The following GPC6 variants were observed in gnomAD, a reference collection of about 807,000 sequenced individuals.
GPC6 encodes the protein glypican-6.
A neutral mutation model predicts 55.2 loss-of-function variants in GPC6; 14 were observed. That is an observed-to-expected ratio of 0.25 (90% confidence interval 0.17 to 0.40). The LOEUF is 0.40. GPC6 is among the 10% of genes least tolerant of loss of function. The probability of loss-of-function intolerance (pLI) is 1.00; values close to 1 mark genes in which losing one functional copy is unlikely to be tolerated. For missense variants in GPC6, 641 were observed against 708.5 expected (o/e 0.90, Z 1.08); for synonymous variants, 278 against 259.6 (o/e 1.07, Z -0.68).
intron 3 of GPC6, among the ~76,000 whole-genome samples, chr13:94,024,102 GAC>G (rs140178004): frequency 0.01 from 1,460 of 143,998 alleles, 6 homozygotes; most frequent in African/African-American, 0.013. Flanking sequence ...ACTGTGTATA[GAC>G]ACACACACAC....
At chr13:94,365,008 A>C (rs781780496) in intron 6 of GPC6, among the ~76,000 whole-genome samples, 3 of 152,208 alleles carry the variant, frequency 2.0e-5, no homozygotes, top group Admixed American at 6.5e-5. Flanking sequence ...GCTATTATTG[A>C]ATACAACCAA....
At chr13:93,656,203 A>G (rs1357650023) in intron 2 of GPC6, among the ~76,000 whole-genome samples, 2 of 152,186 alleles carry the variant, frequency 1.3e-5, no homozygotes, top group South Asian at 2.1e-4. Context: ...TTGTGAAGAT[A>G]TACAAAAAGA....
intron 1 of GPC6, among the ~76,000 whole-genome samples, chr13:93,398,938 A>C (rs1030444680): frequency 6.6e-6 from 1 of 152,138 alleles, no homozygotes; most frequent in Non-Finnish European, 1.5e-5. Context: ...CATGATGCCA[A>C]TCTTCTTTTA....
At chr13:93,771,717 TATAATA>T (rs2138893189) in intron 2 of GPC6, among the ~76,000 whole-genome samples, 1 of 125,758 alleles carries the variant, frequency 8.0e-6, no homozygotes, top group East Asian at 2.4e-4. Context: ...AAACTTAAAG[TATAATA>T]ATAATAAAAA....
chr13:93,253,278 T>C (rs930066622), intron 1 of GPC6, among the ~76,000 whole-genome samples: 1 of 152,358 alleles, frequency 6.6e-6, no homozygotes, highest in Admixed American at 6.5e-5. Flanking sequence ...TTGTACTGCC[T>C]TTTGAATGAT....
At chr13:94,288,940 T>TTTGTTATATATATAAC (rs1566638413) in intron 5 of GPC6, among the ~76,000 whole-genome samples, 1 of 117,974 alleles carries the variant, frequency 8.5e-6, no homozygotes, top group Non-Finnish European at 1.7e-5. Context: ...TATAGATAGA[T>TTTGTTATATATATAAC]AGATAGATAG....
chr13:93,903,530 A>G (rs1055813866), intron 3 of GPC6, among the ~76,000 whole-genome samples: 2 of 152,106 alleles, frequency 1.3e-5, no homozygotes, highest in African/African-American at 4.8e-5. Flanking sequence ...TTTTTTCCAT[A>G]TCTTTGCTCA....
intron 4 of GPC6, among the ~76,000 whole-genome samples, chr13:94,197,432 AC>A (rs1182862344): frequency 6.6e-6 from 1 of 152,202 alleles, no homozygotes; most frequent in Non-Finnish European, 1.5e-5. Flanking sequence ...AATTCTAGAG[AC>A]CAGAAGTCCA....
chr13:94,112,079 A>G (rs1265186613), intron 4 of GPC6, among the ~76,000 whole-genome samples: 1 of 152,168 alleles, frequency 6.6e-6, no homozygotes, highest in African/African-American at 2.4e-5. Flanking sequence ...CATCTTTAAA[A>G]TTGTCATTAA....
intron 6 of GPC6, among the ~76,000 whole-genome samples, chr13:94,364,140 C>T (rs926716096): frequency 3.3e-5 from 5 of 152,130 alleles, no homozygotes; most frequent in South Asian, 4.2e-4. Context: ...ATTGCTTCTT[C>T]GAACAGGATG....
the GPC6 span, among the ~76,000 whole-genome samples, chr13:93,219,090 A>AT: frequency 2.4e-4 from 32 of 134,596 alleles, no homozygotes; most frequent in African/African-American, 9.4e-4. Context: ...TTTCTTTCCT[A>AT]TTTTTTTTTT....
intron 2 of GPC6, among the ~76,000 whole-genome samples, chr13:93,758,182 A>T (rs1884840237): frequency 1.3e-5 from 2 of 152,196 alleles, no homozygotes; most frequent in Non-Finnish European, 2.9e-5. Context: ...GCAGAGCTTC[A>T]CATCAGCTAA....
intron 4 of GPC6, among the ~76,000 whole-genome samples, chr13:94,153,123 AAAT>A (rs1351081590): frequency 2.0e-5 from 3 of 152,098 alleles, no homozygotes; most frequent in Non-Finnish European, 2.9e-5. Flanking sequence ...TCTTGGTGGA[AAAT>A]ATTAGGGAGG....
At chr13:93,543,415 A>G (rs1017628386) in intron 1 of GPC6, among the ~76,000 whole-genome samples, 5 of 151,952 alleles carry the variant, frequency 3.3e-5, no homozygotes, top group African/African-American at 1.2e-4. Context: ...GTGCTGCTGG[A>G]TTCGGTTTGC....
intron 1 of GPC6, among the ~76,000 whole-genome samples, chr13:93,521,071 A>G (rs916720636): frequency 8.5e-5 from 13 of 152,112 alleles, no homozygotes; most frequent in African/African-American, 2.6e-4. Flanking sequence ...TTTGTATTTA[A>G]GAAGTAATTT....
chr13:93,227,226 G>GCA lies in GPC6; in HGVS notation c.-230_-229dup, dbSNP rs940422593. 4.1e-6 allele frequency: 2 copies of GCA among 482,110 alleles called. No individual in the cohort carries two copies. The highest frequency in any genetic ancestry group is 7.4e-6 in the Non-Finnish European group (2 of 269,960). The allele number at this position is 482,110 out of a possible 1,614,324, so 29.9% of individuals were successfully genotyped here. On this transcript the variant is annotated 5_prime_UTR_variant, in exon 1 of 9. Transcript: ENST00000377047. This position sits in a 1 kb window ranked among gnomAD's most constrained non-coding sequence, Gnocchi z 4.3. ...ATCTGGGGGCTAGAGGAGCAAGGCAGCAGCCTTCCCAGCCAGCCCTTGTTG... is the reference window on the plus strand; with the variant it reads ...ATCTGGGGGCTAGAGGAGCAAGGCAGCACAGCCTTCCCAGCCAGCCCTTGTTG...
intron 2 of GPC6, among the ~76,000 whole-genome samples, chr13:93,709,761 C>T (rs539384280): frequency 6.6e-6 from 1 of 151,872 alleles, no homozygotes; most frequent in African/African-American, 2.4e-5. Context: ...AATAGTGTCA[C>T]TAAGTGTCTT....
intron 5 of GPC6, among the ~76,000 whole-genome samples, chr13:94,293,464 A>G (rs1875123905): frequency 1.3e-5 from 2 of 152,162 alleles, no homozygotes; most frequent in Admixed American, 1.3e-4. Flanking sequence ...TCCTGCCATG[A>G]TTTTAAGTTT....
In GPC6 at chr13:93,322,572, G is replaced by A. The variant is rs1332573755; in HGVS notation, c.160+94956G>A. On this transcript the variant is annotated intron_variant, in intron 1 of 8. Coordinates refer to ENST00000377047, the MANE Select transcript of GPC6 (RefSeq NM_005708.5). The stretch of plus-strand genomic sequence containing the variant: ...CTGCCTCAGCCTTCCCAGTAGCTGG[G>A]ATTACAGGTGCCCGCCACCATGCCC... Among the ~76,000 whole-genome samples the A allele has an allele frequency of 2.6e-5, 4 of 151,432 alleles. No homozygotes were observed. The South Asian group carries it at 8.4e-4, about 32-fold the overall frequency.
Sources: gnomAD v4.1 joint callset for allele counts (sites outside exome capture counted in the v4.1 genomes callset) on GRCh38, gnomAD v4.1.1 for gene constraint, Gnocchi (gnomAD v3.1) non-coding constraint, MANE v1.5 for transcripts, NCBI Gene and HGNC (gene_info 2026-07-23, HGNC 2026-07-21) for gene names.